The following LUZP2 variants were observed in gnomAD, a reference collection of about 807,000 sequenced individuals.
The protein encoded by LUZP2 is leucine zipper protein 2.
A neutral mutation model predicts 51.6 loss-of-function variants in LUZP2; 52 were observed. That is an observed-to-expected ratio of 1.01 (90% confidence interval 0.81 to 1.27). The LOEUF (loss-of-function observed/expected upper bound fraction) is 1.27. LUZP2 is among the 50% of genes most tolerant of loss of function. The probability of loss-of-function intolerance (pLI) is 0.00; values close to 1 mark genes in which losing one functional copy is unlikely to be tolerated. For missense variants in LUZP2, 436 were observed against 395.4 expected (o/e 1.10, Z -0.87); for synonymous variants, 154 against 137.3 (o/e 1.12, Z -0.85).
At chr11:24,691,475 TG>T (rs1857062926) in intron 1 of LUZP2, among the ~76,000 whole-genome samples, 1 of 134,352 alleles carries the variant, frequency 7.4e-6, no homozygotes, top group South Asian at 2.2e-4. Flanking sequence ...CCTCATATTC[TG>T]TTTTTTTTTT....
intron 9 of LUZP2, among the ~76,000 whole-genome samples, chr11:25,016,367 A>G (rs1590838677): frequency 6.6e-6 from 1 of 152,062 alleles, no homozygotes; most frequent in Admixed American, 6.6e-5. Flanking sequence ...TTGTGTACTC[A>G]TAGATTAACT....
intron 5 of LUZP2, among the ~76,000 whole-genome samples, chr11:24,830,270 C>A (rs767468193): frequency 8.8e-5 from 11 of 125,620 alleles, no homozygotes; most frequent in Non-Finnish European, 1.9e-4. Flanking sequence ...ATGTCAGTTG[C>A]CACTTCTTTC....
Position 25,079,851 on chromosome 11 carries a change from G to T in LUZP2, c.*1193G>T, listed in dbSNP as rs1309842281. Reference sequence around the variant, plus strand: ...ATTAAACCATTGGTTTTGCAGGATGGATCTGTCAAACCACAATATATACAT... The same window carrying T: ...ATTAAACCATTGGTTTTGCAGGATGTATCTGTCAAACCACAATATATACAT... On this transcript the variant is annotated 3_prime_UTR_variant, in exon 12 of 12. Coordinates refer to ENST00000336930, the MANE Select transcript of LUZP2 (RefSeq NM_001009909.4). 1 of 152,046 alleles carries T rather than the reference G, an allele frequency of 6.6e-6. No individual in the cohort carries two copies. The highest frequency in any genetic ancestry group is 2.4e-5 in the African/African-American group (1 of 41,424). 9.4% of individuals were successfully genotyped at this position (152,046 alleles called of 1,614,324 possible). A position where few individuals can be genotyped will look rare whatever the true frequency, so the allele number is the denominator to read the frequency against.
chr11:24,742,309 T>C (rs1019391843), intron 4 of LUZP2, among the ~76,000 whole-genome samples: 6 of 151,750 alleles, frequency 4.0e-5, no homozygotes, highest in Non-Finnish European at 7.4e-5. Flanking sequence ...CTAGCTTACA[T>C]TCCCACCAGC....
intron 9 of LUZP2, among the ~76,000 whole-genome samples, chr11:25,026,038 A>T (rs1350608094): frequency 6.6e-6 from 1 of 151,900 alleles, no homozygotes. Flanking sequence ...AAACTATTGC[A>T]AGGACAAAAA....
At chr11:24,880,573 C>G (rs1852428603) in intron 5 of LUZP2, among the ~76,000 whole-genome samples, 1 of 152,098 alleles carries the variant, frequency 6.6e-6, no homozygotes, top group Non-Finnish European at 1.5e-5. Flanking sequence ...GATACTCATG[C>G]TATTGGCCCA....
chr11:24,897,681 G>A lies in LUZP2; in HGVS notation c.397-8310G>A, dbSNP rs140618164. 2.1e-3 allele frequency among the ~76,000 whole-genome samples: 314 copies of A among 152,274 alleles called. 1 individual carries two copies. The highest frequency in any genetic ancestry group is 0.017 in the Middle Eastern group (5 of 294). On this transcript the variant is annotated intron_variant, in intron 5 of 11. Transcript: ENST00000336930. ...AAGAATTGTAACACTCACTGTGAGC[G>A]ACTGTGGCTTCCTTCTTGAAGTCAG... is the stretch of plus-strand genomic sequence containing the variant.
chr11:25,006,582 C>T (rs975312019), intron 9 of LUZP2, among the ~76,000 whole-genome samples: 6 of 152,164 alleles, frequency 3.9e-5, no homozygotes, highest in African/African-American at 1.2e-4. Flanking sequence ...CCACACTAGT[C>T]GCTTTTAACT....
chr11:24,593,898 T>C (rs1389340845), intron 1 of LUZP2, among the ~76,000 whole-genome samples: 1 of 152,174 alleles, frequency 6.6e-6, no homozygotes, highest in Non-Finnish European at 1.5e-5. Flanking sequence ...ATGAGAGATA[T>C]TGTTGTGGCC....
At chr11:24,770,073 C>T (rs1423573135) in intron 5 of LUZP2, among the ~76,000 whole-genome samples, 1 of 152,142 alleles carries the variant, frequency 6.6e-6, no homozygotes, top group African/African-American at 2.4e-5. Context: ...GGATTACAGG[C>T]GTGAGCCACT....
At chr11:25,016,402 T>G (rs1596850) in intron 9 of LUZP2, among the ~76,000 whole-genome samples, 74,834 of 151,740 alleles carry the variant, frequency 0.49, 19,077 homozygotes, top group East Asian at 0.91. Flanking sequence ...AGAACCTAAG[T>G]TATTTTATTT....
chr11:24,540,099 G>A (rs1171313742), intron 1 of LUZP2, among the ~76,000 whole-genome samples: 1 of 152,008 alleles, frequency 6.6e-6, no homozygotes, highest in Admixed American at 6.6e-5. Flanking sequence ...ATTACCATAT[G>A]AAACTTGCAT....
chr11:24,967,030 A>T (rs1045392375), intron 7 of LUZP2, among the ~76,000 whole-genome samples: 2 of 151,456 alleles, frequency 1.3e-5, no homozygotes, highest in African/African-American at 4.8e-5. Context: ...TTTTCAACTG[A>T]CTATATATTT....
chr11:24,706,017 G>A (rs969402046), intron 1 of LUZP2, among the ~76,000 whole-genome samples: 1 of 151,670 alleles, frequency 6.6e-6, no homozygotes, highest in East Asian at 1.9e-4. Context: ...GGCTTGTAAC[G>A]CCCAGGGTGA....
intron 1 of LUZP2, among the ~76,000 whole-genome samples, chr11:24,705,068 T>C (rs1156695402): frequency 6.6e-6 from 1 of 152,132 alleles, no homozygotes; most frequent in East Asian, 1.9e-4. Context: ...CCAAGACTCT[T>C]TTGGGGTATT....
intron 1 of LUZP2, among the ~76,000 whole-genome samples, chr11:24,709,031 G>T (rs1396795032): frequency 3.9e-5 from 6 of 152,120 alleles, no homozygotes; most frequent in Non-Finnish European, 5.9e-5. Flanking sequence ...TGAAATGATT[G>T]TCACATCTAG....
chr11:24,739,818 A>T (rs898727156), intron 4 of LUZP2, among the ~76,000 whole-genome samples: 1 of 152,136 alleles, frequency 6.6e-6, no homozygotes, highest in Non-Finnish European at 1.5e-5. Context: ...GTTTCATGTA[A>T]GGATTCACTG....
chr11:24,887,137 G>T (rs1428102106), intron 5 of LUZP2, among the ~76,000 whole-genome samples: 1 of 152,104 alleles, frequency 6.6e-6, no homozygotes, highest in African/African-American at 2.4e-5. Flanking sequence ...TATGGACCTT[G>T]TGTTTTCCTG....
intron 9 of LUZP2, among the ~76,000 whole-genome samples, chr11:24,995,909 C>G (rs148207354): frequency 4.6e-5 from 7 of 151,738 alleles, no homozygotes; most frequent in Non-Finnish European, 1.0e-4. Flanking sequence ...AGTGTTAGTG[C>G]TACATGACCC....
Sources: allele counts gnomAD v4.1 joint callset (sites outside exome capture counted in the v4.1 genomes callset), GRCh38; gene constraint gnomAD v4.1.1; transcripts MANE v1.5; gene names NCBI Gene and HGNC (gene_info 2026-07-23, HGNC 2026-07-21).